DAB1: variants seen among roughly 807,000 people sequenced by gnomAD.
DAB1 encodes the protein DAB adaptor protein 1.
Under a neutral mutation model 64.6 loss-of-function variants are expected in DAB1, and 15 were observed. The observed-to-expected ratio is 0.23, with a 90% confidence interval of 0.16 to 0.36. The LOEUF (loss-of-function observed/expected upper bound fraction) is 0.36, where lower values mean the gene tolerates loss of function less well. Ranked by LOEUF, DAB1 falls within the 10% of genes least tolerant of loss-of-function variation. The pLI is 1.00. For synonymous variants in DAB1, 235 were observed against 251.9 expected (o/e 0.93, Z 0.64); for missense variants, 596 against 706.7 (o/e 0.84, Z 1.78).
At chr1:57,069,321 G>A (rs1651228995) in intron 8 of DAB1, 39 bp downstream of exon 8, 1 of 1,475,204 alleles carries the variant, frequency 6.8e-7, no homozygotes, top group African/African-American at 1.4e-5. Flanking sequence ...GCATGTACTA[G>A]TAGTGGTGCA....
At chr1:58,300,606 AAG>A (rs1557726053) in intron 4 of DAB1, among the ~76,000 whole-genome samples, 1 of 37,970 alleles carries the variant, frequency 2.6e-5, no homozygotes, top group African/African-American at 8.3e-5. Context: ...GAAAGAAAGA[AAG>A]AAAGAGAGAG....
intron 1 of DAB1, among the ~76,000 whole-genome samples, chr1:57,365,209 AATAT>A (rs1426195579): frequency 7.0e-6 from 1 of 142,056 alleles, no homozygotes; most frequent in Non-Finnish European, 1.5e-5. Flanking sequence ...TAAATATATA[AATAT>A]ATATTTATGT....
At chr1:57,201,794 T>A (rs1158542874) in intron 2 of DAB1, among the ~76,000 whole-genome samples, 1 of 152,134 alleles carries the variant, frequency 6.6e-6, no homozygotes, top group African/African-American at 2.4e-5. Context: ...AGGGATCAGT[T>A]CTGTGGTCCC....
intron 3 of DAB1, among the ~76,000 whole-genome samples, chr1:58,463,479 C>T (rs534433937): frequency 6.6e-6 from 1 of 152,326 alleles, no homozygotes; most frequent in African/African-American, 2.4e-5. Context: ...GGCTGCCTTC[C>T]TGGCCCTTGC....
intron 5 of DAB1, among the ~76,000 whole-genome samples, chr1:58,085,958 CTTTTTTTTTT>C (rs911523306): frequency 2.0e-5 from 2 of 98,724 alleles, no homozygotes; most frequent in Admixed American, 2.2e-4. Flanking sequence ...ATCTCTCTCT[CTTTTTTTTTT>C]TTTTTTTTTT....
At chr1:58,206,040 CTCAG>C (rs1341391455) in intron 4 of DAB1, among the ~76,000 whole-genome samples, 3 of 152,084 alleles carry the variant, frequency 2.0e-5, no homozygotes, top group African/African-American at 7.2e-5. Flanking sequence ...TGAGACAGGT[CTCAG>C]TCAATTTAGG....
intron 3 of DAB1, among the ~76,000 whole-genome samples, chr1:58,395,839 T>C (rs1031610328): frequency 3.9e-5 from 6 of 152,160 alleles, no homozygotes; most frequent in African/African-American, 1.4e-4. Context: ...AAGACAGATA[T>C]GATCCATGCT....
At chr1:58,318,293 T>A (rs1467069794) in intron 4 of DAB1, among the ~76,000 whole-genome samples, 2 of 152,190 alleles carry the variant, frequency 1.3e-5, no homozygotes, top group African/African-American at 4.8e-5. Context: ...CTTTGAGGCA[T>A]CACTTGTATG....
At chr1:58,319,981 T>C (rs756529108) in intron 4 of DAB1, among the ~76,000 whole-genome samples, 9 of 152,232 alleles carry the variant, frequency 5.9e-5, no homozygotes, top group African/African-American at 9.6e-5. Flanking sequence ...CAGGTTTCCA[T>C]GGCTGAGGAA....
chr1:57,113,919 G>C (rs1273314930), intron 4 of DAB1, among the ~76,000 whole-genome samples: 1 of 152,166 alleles, frequency 6.6e-6, no homozygotes, highest in Non-Finnish European at 1.5e-5. Context: ...TATTTGAGAA[G>C]GATGACCAAA....
intron 7 of DAB1, among the ~76,000 whole-genome samples, chr1:57,482,163 G>A (rs1352701136): frequency 6.6e-6 from 1 of 152,134 alleles, no homozygotes; most frequent in East Asian, 1.9e-4. Context: ...CCTTCAGACA[G>A]AGAGCAGAGG....
chr1:57,451,667 G>A (rs1686372423), intron 7 of DAB1, among the ~76,000 whole-genome samples: 1 of 152,184 alleles, frequency 6.6e-6, no homozygotes, highest in Non-Finnish European at 1.5e-5. Flanking sequence ...AGGACGCAGA[G>A]AGTTCAGTCT....
chr1:58,393,224 A>G lies in DAB1; in HGVS notation n.258-49821T>C, dbSNP rs542045774. Among the ~76,000 whole-genome samples, 5 of 151,252 alleles carry G rather than the reference A, an allele frequency of 3.3e-5. No individual in the cohort carries two copies. The South Asian group carries it at 1.0e-3, about 32-fold the overall frequency. ...GTGATCCACTCACCTTGGCCTCCCA[A>G]CCAAATTTCTAGTTCTAGTCTAGAC... is the stretch of plus-strand genomic sequence containing the variant. On this transcript the variant is annotated intron_variant and non_coding_transcript_variant, in intron 3 of 20. Transcript: ENST00000485760.
intron 3 of DAB1, among the ~76,000 whole-genome samples, chr1:58,356,514 G>A (rs1295663310): frequency 6.6e-6 from 1 of 152,104 alleles, no homozygotes; most frequent in Non-Finnish European, 1.5e-5. Flanking sequence ...GCTATTTTAA[G>A]GAAGTGACAT....
At chr1:57,393,527 A>C (rs1682559434) in intron 1 of DAB1, among the ~76,000 whole-genome samples, 1 of 151,496 alleles carries the variant, frequency 6.6e-6, no homozygotes, top group Non-Finnish European at 1.5e-5. Flanking sequence ...CTCCATCTCT[A>C]CAAAAAAAAA....
At chr1:57,111,425 G>T (rs970878805) in intron 4 of DAB1, among the ~76,000 whole-genome samples, 1 of 152,104 alleles carries the variant, frequency 6.6e-6, no homozygotes, top group African/African-American at 2.4e-5. Context: ...CAACATCAGG[G>T]CTGGGGCACA....
At chr1:57,616,641 T>C (rs975220100) in intron 7 of DAB1, among the ~76,000 whole-genome samples, 8 of 152,196 alleles carry the variant, frequency 5.3e-5, no homozygotes, top group Non-Finnish European at 1.0e-4. Context: ...TCACCTGCTC[T>C]GGGAATATAA....
At chr1:58,360,873 ATTGT>A (rs1431596954) in intron 3 of DAB1, among the ~76,000 whole-genome samples, 3 of 152,160 alleles carry the variant, frequency 2.0e-5, no homozygotes, top group South Asian at 2.1e-4. Context: ...TAACTTTGAA[ATTGT>A]TTATTTTTTA....
intron 3 of DAB1, among the ~76,000 whole-genome samples, chr1:58,481,953 T>G (rs1645492880): frequency 6.6e-6 from 1 of 152,226 alleles, no homozygotes; most frequent in Non-Finnish European, 1.5e-5. Flanking sequence ...CTCAGGTATG[T>G]TTCATTAGCA....
Sources: allele counts gnomAD v4.1 joint callset (sites outside exome capture counted in the v4.1 genomes callset), GRCh38; gene constraint gnomAD v4.1.1; transcripts MANE v1.5; gene names NCBI Gene and HGNC (gene_info 2026-07-23, HGNC 2026-07-21).